GBP1: variants seen among roughly 807,000 people sequenced by gnomAD.
GBP1 encodes guanylate-binding protein 1.
In GBP1, 64 loss-of-function variants were observed where a neutral mutation model predicts 69.5. The ratio of observed to expected loss-of-function variants is 0.92; its 90% CI spans 0.75 to 1.13. GBP1 has a LOEUF of 1.13. Among genes scored for constraint, GBP1 ranks in the 50% most tolerant of loss-of-function variants. GBP1 has a pLI of 0.00. For missense variants in GBP1, 630 were observed against 704.1 expected (o/e 0.89, Z 1.19); for synonymous variants, 250 against 261.2 (o/e 0.96, Z 0.41).
chr1:89,063,400 G>A, intron 1 of GBP1, 147 bp from the exon 2 acceptor site: 3 of 685,586 alleles, frequency 4.4e-6, no homozygotes, highest in Non-Finnish European at 7.3e-6. Flanking sequence ...GAAAGTTATG[G>A]AAGTATTGTC....
intron 2 of GBP1, among the ~76,000 whole-genome samples, chr1:89,061,912 A>T (rs1052624370): frequency 6.6e-6 from 1 of 152,122 alleles, no homozygotes; most frequent in Admixed American, 6.5e-5. Flanking sequence ...GATGCTCAAC[A>T]TCACTAGTCA....
rs1570284142 is a variant in GBP1, at chr1:89,063,057, C to T, written c.178G>A (p.Gly60Arg). The part of the protein sequence containing the change: ...GKSYLMNKLA[G>R]KKKGFSLGST... ...TCATGCCACTCACCCTTTTTCTTTC[C>T]AGCCAGCTTGTTCATCAGGTAGGAT... The change falls in exon 2 of 11, where the codon GGA becomes AGA. Residue 60 changes from glycine to arginine, a missense_variant. Transcript: ENST00000370473. 6.2e-7 allele frequency: 1 copy of T among 1,613,998 alleles called. No homozygotes were observed. Among genetic ancestry groups the T allele is most frequent in the Non-Finnish European group, 8.5e-7 (1 of 1,179,920 alleles).
intron 2 of GBP1, 44 bp downstream of exon 2, chr1:89,063,001 G>A (rs2101235182): frequency 1.2e-6 from 2 of 1,606,146 alleles, no homozygotes; most frequent in African/African-American, 2.7e-5. Context: ...TGACTGTGTA[G>A]ATGGACAGAA....
chr1:89,057,901 T>C, intron 6 of GBP1, 91 bp downstream of exon 6: 1 of 1,316,602 alleles, frequency 7.6e-7, no homozygotes, highest in Non-Finnish European at 1.0e-6. Context: ...TAGCAGTAGA[T>C]TGGGATTTTT....
chr1:89,056,345 C>A (rs759285159), intron 7 of GBP1, 117 bp from the exon 8 acceptor site: 173 of 1,532,202 alleles, frequency 1.1e-4, no homozygotes, highest in African/African-American at 1.5e-4. Context: ...AAACTGACAG[C>A]CTCCTCACCA....
rs563271531 is a variant in GBP1, at chr1:89,063,206, G to A, written c.29C>T (p.Pro10Leu). 1 of 1,614,036 alleles carries A rather than the reference G, an allele frequency of 6.2e-7. No individual in the cohort carries two copies. Among genetic ancestry groups the A allele is most frequent in the Non-Finnish European group, 8.5e-7 (1 of 1,179,942 alleles). Residue 10 changes from proline to leucine, a missense_variant, in exon 2 of 11, where the codon CCA becomes CTA. Physicochemically the swap from Pro to Leu is moderately conservative, Grantham distance 98. This residue lies in a region of GBP1 where 131 missense variants were observed against 138.5 expected (regional missense o/e 0.95). Transcript: ENST00000370473. ...ATTAGTGTTCTCAATGAGGCACATT[G>A]GGCCTGTCATGTGGATCTCTGATGC... MASEIHMTG[P>L]MCLIENTNGR...
At position 89,059,508 on chromosome 1, in the gene GBP1, C is replaced by T. The variant is rs181335493; in HGVS notation, c.319-82G>A. On this transcript the variant is annotated intron_variant, in intron 3 of 10. Coordinates refer to ENST00000370473, the MANE Select transcript of GBP1 (RefSeq NM_002053.3). ...AGAGTAACAGTAGTAAAACTATGTT[C>T]ATATGTTAGAGGGTTTTTTTTTCTT... is the stretch of plus-strand genomic sequence containing the variant. 2.9e-4 allele frequency: 311 copies of T among 1,068,182 alleles called. No homozygotes were observed. The African/African-American group carries it at 4.4e-3, about 15-fold the overall frequency. 66.2% of individuals were successfully genotyped at this position (1,068,182 alleles called of 1,614,324 possible).
At chr1:89,055,292 C>G in intron 8 of GBP1, 77 bp from the exon 9 acceptor site, 1 of 1,592,122 alleles carries the variant, frequency 6.3e-7, no homozygotes, top group South Asian at 1.1e-5. Context: ...TCCTGCCATC[C>G]TTTCTCCTCT....
chr1:89,058,555 A>T, intron 5 of GBP1: 1 of 545,296 alleles, frequency 1.8e-6, no homozygotes, highest in Non-Finnish European at 3.2e-6. Context: ...TGTACTCCAT[A>T]CTCTATGGCT....
intron 1 of GBP1, among the ~76,000 whole-genome samples, chr1:89,064,259 G>C (rs1167721334): frequency 2.0e-5 from 3 of 150,914 alleles, no homozygotes; most frequent in African/African-American, 7.3e-5. Context: ...GAGAGAGAGA[G>C]AGAGAGAGAG....
chr1:89,063,164 T>A lies in GBP1; in HGVS notation c.71A>T (p.Asn24Ile), dbSNP rs139551612. 1.3e-5 allele frequency: 21 copies of A among 1,614,008 alleles called. No homozygotes were observed. Among genetic ancestry groups the A allele is most frequent in the Non-Finnish European group, 1.8e-5 (21 of 1,180,002 alleles). Reference sequence around the variant, plus strand: ...AGAAAGGATCTTCAGAGCTTCTGGATTCGCCATCAGTCGCCCATTAGTGTT... The same window carrying A: ...AGAAAGGATCTTCAGAGCTTCTGGAATCGCCATCAGTCGCCCATTAGTGTT... ...IENTNGRLMA[N>I]PEALKILSAI... The change falls in exon 2 of 11, where the codon AAT (asparagine) becomes ATT (isoleucine). Residue 24 changes from asparagine (N) to isoleucine (I), a missense_variant. By Grantham distance (149) the Asn-to-Ile change is moderately radical. Transcript: ENST00000370473.
At chr1:89,054,347 G>A (rs575825524) in intron 10 of GBP1, among the ~76,000 whole-genome samples, 14 of 152,134 alleles carry the variant, frequency 9.2e-5, no homozygotes, top group East Asian at 1.9e-4. Flanking sequence ...TGATCCGCCC[G>A]CCTTGGCCTC....
At chr1:89,057,278 C>G in intron 6 of GBP1, 144 bp from the exon 7 acceptor site, 1 of 1,175,904 alleles carries the variant, frequency 8.5e-7, no homozygotes, top group Non-Finnish European at 1.2e-6. Flanking sequence ...GAAATAGACT[C>G]TCAGACCCTG....
At chr1:89,059,763 CT>C (rs1208353228) in intron 3 of GBP1, among the ~76,000 whole-genome samples, 1 of 151,802 alleles carries the variant, frequency 6.6e-6, no homozygotes, top group East Asian at 1.9e-4. Flanking sequence ...ATTTTCTCTT[CT>C]TTTTTTCAAT....
chr1:89,054,485 A>G lies in GBP1; in HGVS notation c.1665+197T>C, dbSNP rs190515421. Among the ~76,000 whole-genome samples the G allele has an allele frequency of 2.6e-5, 4 of 152,358 alleles. No homozygotes were observed. The East Asian group carries it at 7.7e-4, about 29-fold the overall frequency. On this transcript the variant is annotated intron_variant, in intron 10 of 10. Transcript: ENST00000370473. ...TTGATAAAGGACTGAATGTTACACA[A>G]CTGCAAATAAAAAACTTTCAGTGAC...
At chr1:89,057,768 G>A (rs1332734263) in intron 6 of GBP1, among the ~76,000 whole-genome samples, 2 of 152,200 alleles carry the variant, frequency 1.3e-5, no homozygotes, top group African/African-American at 4.8e-5. Flanking sequence ...CATAGTGCAG[G>A]TCCAGTTCAC....
chr1:89,058,641 G>A (rs991947885), intron 5 of GBP1, 200 bp downstream of exon 5: 27 of 645,830 alleles, frequency 4.2e-5, no homozygotes, highest in Non-Finnish European at 5.5e-5. Context: ...GAAAGAACAA[G>A]AAACTTGTTC....
At position 89,053,434 on chromosome 1, in the gene GBP1, T is replaced by C. The variant is rs1260856297; in HGVS notation, c.1700A>G (p.Lys567Arg). The change falls in exon 11 of 11, where the codon AAA (lysine) becomes AGA (arginine). Residue 567 changes from lysine to arginine, a missense_variant. By Grantham distance (26) the Lys-to-Arg change is conservative. Around this residue, in one of 5 missense-constraint regions of GBP1, gnomAD observed 71 missense variants for 72.7 expected, o/e 0.98. Coordinates refer to ENST00000370473, the MANE Select transcript of GBP1 (RefSeq NM_002053.3). Reference sequence around the variant, plus strand: ...CTCATTTTTCATTATTCTGCTTTCTTTTTGAAATCCCTCTTTTAGTAGTTG... The same window carrying C: ...CTCATTTTTCATTATTCTGCTTTCTCTTTGAAATCCCTCTTTTAGTAGTTG... ...QEQLLKEGFQ[K>R]ESRIMKNEIQ... The C allele has an allele frequency of 6.2e-7, 1 of 1,613,976 alleles. No homozygotes were observed. The highest frequency in any genetic ancestry group is 1.7e-5 in the Admixed American group (1 of 60,018).
In GBP1 at chr1:89,063,130, T is replaced by C. The variant is rs201707866; in HGVS notation, c.105A>G (p.Thr35=). The change falls in exon 2 of 11, where the codon ACA becomes ACG. Residue 35 remains threonine (T), a synonymous_variant. Coordinates refer to ENST00000370473, the MANE Select transcript of GBP1 (RefSeq NM_002053.3). ...PEALKILSAI[T]QPMVVVAIVG... is the part of the protein sequence containing the mutation. Reference sequence around the variant, plus strand: ...CAATTGCCACCACCACCATAGGCTGTGTAATGGCAGAAAGGATCTTCAGAG... The same window carrying C: ...CAATTGCCACCACCACCATAGGCTGCGTAATGGCAGAAAGGATCTTCAGAG... The C allele has an allele frequency of 1.2e-6, 2 of 1,613,966 alleles. No homozygotes were observed. Among genetic ancestry groups the C allele is most frequent in the Non-Finnish European group, 8.5e-7 (1 of 1,179,998 alleles).
Sources: gnomAD v4.1 joint callset for allele counts (sites outside exome capture counted in the v4.1 genomes callset) on GRCh38, gnomAD v4.1.1 for gene constraint, gnomAD v4.1.1 regional missense constraint, MANE v1.5 for transcripts, NCBI Gene and HGNC (gene_info 2026-07-23, HGNC 2026-07-21) for gene names.